Variants in BLTP1 observed in about 807,000 individuals in gnomAD.
The protein encoded by BLTP1 is bridge-like lipid transfer protein family member 1.
the BLTP1 span, chr4:122,276,717 C>A: frequency 2.2e-6 from 2 of 906,378 alleles, no homozygotes; most frequent in Non-Finnish European, 2.6e-6. Context: ...CTGACTAGGC[C>A]AATTCCGTAA....
chr4:122,301,406 A>T, the BLTP1 span: 1 of 1,502,136 alleles, frequency 6.7e-7, no homozygotes, highest in South Asian at 1.3e-5. Flanking sequence ...AGGTAACATA[A>T]ATATAATGAT....
the BLTP1 span, chr4:122,251,194 G>A: frequency 3.4e-6 from 3 of 886,264 alleles, no homozygotes; most frequent in Non-Finnish European, 4.1e-6. Flanking sequence ...TATTGACCTT[G>A]CAGCGTTGTG....
At chr4:122,340,164 C>G in the BLTP1 span, among the ~76,000 whole-genome samples, 1 of 151,986 alleles carries the variant, frequency 6.6e-6, no homozygotes, top group Non-Finnish European at 1.5e-5. Flanking sequence ...TTTTGATAGT[C>G]GTAACTGAGG....
chr4:122,358,360 C>T, the BLTP1 span, among the ~76,000 whole-genome samples: 2 of 152,034 alleles, frequency 1.3e-5, no homozygotes, highest in Non-Finnish European at 2.9e-5. Flanking sequence ...ACAAAAAGAC[C>T]GTTTTAATAT....
the BLTP1 span, chr4:122,299,905 A>G: frequency 1.0e-6 from 1 of 985,260 alleles, no homozygotes; most frequent in Non-Finnish European, 1.2e-6. Context: ...AGAGAAGGAT[A>G]GCTCAGAGAG....
At chr4:122,209,387 G>A in the BLTP1 span, 3 of 1,584,268 alleles carry the variant, frequency 1.9e-6, no homozygotes, top group Non-Finnish European at 2.6e-6. Context: ...GCTCACGCCT[G>A]TAATCCCAGC....
chr4:122,261,839 T>C, the BLTP1 span: 1 of 985,348 alleles, frequency 1.0e-6, no homozygotes, highest in Non-Finnish European at 1.2e-6. Flanking sequence ...TTTTACTTCC[T>C]GTGTCAACAC....
chr4:122,272,009 G>T, the BLTP1 span: 1 of 1,039,498 alleles, frequency 9.6e-7, no homozygotes, highest in Non-Finnish European at 1.4e-6. Flanking sequence ...TTGGAAAAAT[G>T]TTGAAGAAAT....
chr4:122,219,382 G>C, the BLTP1 span: 14 of 1,614,048 alleles, frequency 8.7e-6, no homozygotes, highest in Admixed American at 3.3e-5. Context: ...GGATTTTGAA[G>C]AGGTTATCTC....
the BLTP1 span, among the ~76,000 whole-genome samples, chr4:122,354,476 GT>G: frequency 1.4e-5 from 2 of 147,490 alleles, no homozygotes; most frequent in African/African-American, 2.5e-5. Context: ...GCTTTTGATA[GT>G]TTTTTTTTTT....
At chr4:122,223,166 C>T in the BLTP1 span, 4 of 972,214 alleles carry the variant, frequency 4.1e-6, no homozygotes, top group African/African-American at 7.0e-5. Context: ...ATCAGAAGAG[C>T]TTCTAGAGTG....
chr4:122,359,114 C>T, the BLTP1 span, among the ~76,000 whole-genome samples: 4 of 150,980 alleles, frequency 2.6e-5, no homozygotes, highest in Admixed American at 1.3e-4. Context: ...GGAGGGATAG[C>T]ATTAGGAGAT....
the BLTP1 span, among the ~76,000 whole-genome samples, chr4:122,293,806 G>T: frequency 1.3e-5 from 2 of 152,216 alleles, no homozygotes; most frequent in Admixed American, 6.5e-5. Context: ...AACAGCAGAA[G>T]GCTGGAGACT....
chr4:122,268,897 T>A, the BLTP1 span: 2 of 152,690 alleles, frequency 1.3e-5, no homozygotes, highest in East Asian at 3.9e-4. Context: ...TCATCTGTTG[T>A]TTTGTACTGA....
the BLTP1 span, among the ~76,000 whole-genome samples, chr4:122,274,960 A>G: frequency 6.6e-6 from 1 of 152,142 alleles, no homozygotes; most frequent in South Asian, 2.1e-4. Flanking sequence ...GCTTTCTGCA[A>G]TGAGTTTTGG....
the BLTP1 span, chr4:122,280,124 G>A: frequency 1.1e-5 from 16 of 1,501,936 alleles, no homozygotes; most frequent in Admixed American, 6.3e-5. Flanking sequence ...GAGGAGAGTA[G>A]CCAATTGTGA....
the BLTP1 span, chr4:122,281,939 A>G: frequency 1.8e-5 from 18 of 983,030 alleles, no homozygotes; most frequent in Non-Finnish European, 2.1e-5. Context: ...AAAAATATCA[A>G]TCCCCCACCC....
the BLTP1 span, chr4:122,208,437 A>C: frequency 3.0e-6 from 3 of 984,166 alleles, no homozygotes; most frequent in African/African-American, 3.5e-5. Flanking sequence ...AGTAAAGCCA[A>C]ATGAAGATCC....
At chr4:122,342,605 C>T in the BLTP1 span, among the ~76,000 whole-genome samples, 103 of 152,224 alleles carry the variant, frequency 6.8e-4, no homozygotes, top group African/African-American at 2.3e-3. Context: ...CTGCCCACTT[C>T]GGCCTCCCAG....
Sources: gnomAD v4.1 joint callset for allele counts (sites outside exome capture counted in the v4.1 genomes callset) on GRCh38, gnomAD v4.1.1 for gene constraint, MANE v1.5 for transcripts, NCBI Gene and HGNC (gene_info 2026-07-23, HGNC 2026-07-21) for gene names.